Variants in TMEM132D observed in about 807,000 individuals in gnomAD.
The protein encoded by TMEM132D is transmembrane protein 132D.
TMEM132D carries 21 observed loss-of-function variants against 62.3 expected under a neutral mutation model. The ratio of observed to expected loss-of-function variants is 0.34; its 90% confidence interval spans 0.24 to 0.49. TMEM132D has a LOEUF of 0.49. TMEM132D is among the 20% of genes least tolerant of loss of function. The pLI is 0.99. For synonymous variants in TMEM132D, 621 were observed against 575.6 expected (o/e 1.08, Z -1.13); for missense variants, 1,346 against 1,402.8 (o/e 0.96, Z 0.65).
chr12:129,491,245 T>C (rs1037051928), intron 3 of TMEM132D, among the ~76,000 whole-genome samples: 35 of 152,208 alleles, frequency 2.3e-4, no homozygotes, highest in African/African-American at 8.2e-4. Context: ...GGGGAGGCTC[T>C]TCCTGCACTG....
At chr12:129,301,380 C>T (rs1336252296) in intron 4 of TMEM132D, among the ~76,000 whole-genome samples, 3 of 152,102 alleles carry the variant, frequency 2.0e-5, no homozygotes, top group East Asian at 3.9e-4. Flanking sequence ...TCACCTCCTT[C>T]TCTCCCTGTG....
chr12:129,261,164 A>G (rs1029046203), intron 4 of TMEM132D, among the ~76,000 whole-genome samples: 1 of 152,008 alleles, frequency 6.6e-6, no homozygotes, highest in African/African-American at 2.4e-5. Flanking sequence ...ATTTTTTTAA[A>G]AGGGCTGTTT....
chr12:129,271,158 C>T (rs1356573042), intron 4 of TMEM132D, among the ~76,000 whole-genome samples: 1 of 152,066 alleles, frequency 6.6e-6, no homozygotes, highest in East Asian at 1.9e-4. Context: ...AAAAATCAGG[C>T]CATGTTTTGC....
chr12:129,119,878 G>A (rs1360574295), intron 5 of TMEM132D, among the ~76,000 whole-genome samples: 1 of 152,144 alleles, frequency 6.6e-6, no homozygotes, highest in Admixed American at 6.5e-5. Context: ...AACTGCAAAG[G>A]TATGAGGCAG....
At chr12:129,862,610 T>C (rs370128265) in intron 1 of TMEM132D, among the ~76,000 whole-genome samples, 4 of 152,200 alleles carry the variant, frequency 2.6e-5, no homozygotes, top group East Asian at 3.9e-4. Context: ...AAGGGCTGCA[T>C]GTTGACATCC....
chr12:129,641,396 C>A (rs968054380), intron 2 of TMEM132D, among the ~76,000 whole-genome samples: 2 of 152,200 alleles, frequency 1.3e-5, no homozygotes, highest in African/African-American at 4.8e-5. Flanking sequence ...AGCTCAGCAT[C>A]TCCAACACCT....
intron 3 of TMEM132D, among the ~76,000 whole-genome samples, chr12:129,487,397 C>T (rs1874615484): frequency 6.6e-6 from 1 of 152,168 alleles, no homozygotes; most frequent in Admixed American, 6.5e-5. Context: ...TTTATAAAAT[C>T]ACTCACTGTC....
At chr12:129,374,196 G>A (rs1870709151) in intron 3 of TMEM132D, among the ~76,000 whole-genome samples, 1 of 151,986 alleles carries the variant, frequency 6.6e-6, no homozygotes, top group South Asian at 2.1e-4. Context: ...AGATCAGGGT[G>A]CTAGCATGGT....
At chr12:129,391,684 A>G (rs960783542) in intron 3 of TMEM132D, among the ~76,000 whole-genome samples, 4 of 152,124 alleles carry the variant, frequency 2.6e-5, no homozygotes, top group Non-Finnish European at 4.4e-5. Context: ...CAAAAACTCA[A>G]CATATCCTTT....
chr12:129,806,620 C>G (rs1337386697), intron 1 of TMEM132D, among the ~76,000 whole-genome samples: 1 of 150,682 alleles, frequency 6.6e-6, no homozygotes, highest in Non-Finnish European at 1.5e-5. Context: ...GTGCAGCACA[C>G]CAGCATGGCA....
At chr12:129,502,134 G>T (rs1034761746) in intron 3 of TMEM132D, among the ~76,000 whole-genome samples, 1 of 152,058 alleles carries the variant, frequency 6.6e-6, no homozygotes, top group South Asian at 2.1e-4. Context: ...CGAGTAGCTG[G>T]GATTACAGGC....
intron 1 of TMEM132D, among the ~76,000 whole-genome samples, chr12:129,785,031 T>C (rs1210450640): frequency 6.6e-6 from 1 of 152,222 alleles, no homozygotes; most frequent in African/African-American, 2.4e-5. Context: ...ACGTTTATTT[T>C]CGTTGCCATC....
At chr12:129,177,976 T>C (rs949228323) in intron 5 of TMEM132D, among the ~76,000 whole-genome samples, 5 of 152,136 alleles carry the variant, frequency 3.3e-5, no homozygotes, top group Non-Finnish European at 7.4e-5. Flanking sequence ...CCTGTGTCCA[T>C]GGGCTCTCAT....
intron 1 of TMEM132D, chr12:129,852,415 A>T (rs1873573203): frequency 6.6e-6 from 1 of 152,178 alleles, no homozygotes; most frequent in Admixed American, 6.6e-5. Flanking sequence ...TTGGTGATGC[A>T]TGCCTGTAGT....
At chr12:129,399,634 C>T (rs561592168) in intron 3 of TMEM132D, among the ~76,000 whole-genome samples, 13 of 129,104 alleles carry the variant, frequency 1.0e-4, no homozygotes, top group Non-Finnish European at 1.6e-4. Context: ...AGAATGAGGA[C>T]GTCTCAAAAA....
At chr12:129,196,915 A>G (rs2135559122) in intron 5 of TMEM132D, among the ~76,000 whole-genome samples, 1 of 152,338 alleles carries the variant, frequency 6.6e-6, no homozygotes, top group Non-Finnish European at 1.5e-5. Context: ...AATTGCATGC[A>G]TCTGTGGAGG....
At chr12:129,852,756 A>G (rs1297269505) in intron 1 of TMEM132D, 1 of 152,068 alleles carries the variant, frequency 6.6e-6, no homozygotes, top group Non-Finnish European at 1.5e-5. Flanking sequence ...ATGACCCTGC[A>G]TCAGGCTTAT....
At chr12:129,369,392 A>C (rs775240875) in intron 3 of TMEM132D, among the ~76,000 whole-genome samples, 11 of 151,722 alleles carry the variant, frequency 7.3e-5, no homozygotes, top group Non-Finnish European at 1.0e-4. Context: ...ATTAATTCAG[A>C]TATCAGTCCT....
At position 129,526,066 on chromosome 12, in the gene TMEM132D, C is replaced by A. The variant is rs544392783; in HGVS notation, c.1115+4993G>T. Among the ~76,000 whole-genome samples the A allele has an allele frequency of 7.3e-4, 111 of 152,286 alleles. 1 individual carries two copies. Among genetic ancestry groups the A allele is most frequent in the Non-Finnish European group, 2.9e-5 (2 of 68,020 alleles). On this transcript the variant is annotated intron_variant, in intron 3 of 8. Transcript: ENST00000422113. ...AATTAACAAGCATTTCTTTAAGTTT[C>A]TAACATACACACAACAACTGTTCTG... is the stretch of plus-strand genomic sequence containing the variant.
Sources: gnomAD v4.1 joint callset for allele counts (sites outside exome capture counted in the v4.1 genomes callset) on GRCh38, gnomAD v4.1.1 for gene constraint, MANE v1.5 for transcripts, NCBI Gene and HGNC (gene_info 2026-07-23, HGNC 2026-07-21) for gene names.